SNAI1: variants seen among roughly 807,000 people sequenced by gnomAD.
SNAI1 encodes the protein snail family transcriptional repressor 1.
Under a neutral mutation model 24.7 loss-of-function variants are expected in SNAI1, and 15 were observed. The ratio of observed to expected loss-of-function variants is 0.61; its 90% CI spans 0.41 to 0.93. SNAI1 has a LOEUF of 0.93. SNAI1 is among the 40% of genes least tolerant of loss of function. SNAI1 has a pLI of 0.00. For synonymous variants in SNAI1, 163 were observed against 142.9 expected (o/e 1.14, Z -1.00); for missense variants, 283 against 336.7 (o/e 0.84, Z 1.25).
rs747604296 is a variant in SNAI1, at chr20:49,987,838, G to A, written c.611-34G>A. 5.0e-6 allele frequency: 8 copies of A among 1,604,464 alleles called. No homozygotes were observed. The Admixed American group carries it at 1.0e-4, about 20-fold the overall frequency. On this transcript the variant is annotated intron_variant, in intron 2 of 2. Transcript: ENST00000244050. ...CCATCACTGCCAGCCGTTGTCCCACGGCTCACTCGGCCTTTCTGGCGTTCT... is the reference window on the plus strand; with the variant it reads ...CCATCACTGCCAGCCGTTGTCCCACAGCTCACTCGGCCTTTCTGGCGTTCT...
intron 2 of SNAI1, among the ~76,000 whole-genome samples, chr20:49,985,584 A>G (rs2078331402): frequency 6.6e-6 from 1 of 152,086 alleles, no homozygotes; most frequent in African/African-American, 2.4e-5. Context: ...CCATCTGGAC[A>G]TTATTTTAAT....
At chr20:49,985,122 G>A (rs1600887657) in intron 2 of SNAI1, among the ~76,000 whole-genome samples, 1 of 152,186 alleles carries the variant, frequency 6.6e-6, no homozygotes, top group South Asian at 2.1e-4. Context: ...ACCAGGAAAC[G>A]GCATCTTTGG....
chr20:49,986,633 A>AT (rs1240507731), intron 2 of SNAI1, among the ~76,000 whole-genome samples: 2 of 150,300 alleles, frequency 1.3e-5, no homozygotes, highest in East Asian at 3.8e-4. Flanking sequence ...AGCTCAGTAG[A>AT]TTAAAAAAAA....
chr20:49,983,749 G>A (rs1210117236), intron 1 of SNAI1, 75 bp from the exon 2 acceptor site: 38 of 1,421,304 alleles, frequency 2.7e-5, no homozygotes, highest in Non-Finnish European at 3.5e-5. Flanking sequence ...CCCAGCCCCT[G>A]GCCAGCGGTG....
In SNAI1 at chr20:49,987,894, C is replaced by G. The variant is rs111475890; in HGVS notation, c.633C>G (p.Pro211=). The G allele has an allele frequency of 9.3e-6, 15 of 1,614,138 alleles. No individual in the cohort carries two copies. The African/African-American group carries it at 1.1e-4, about 11-fold the overall frequency. ...THTGEKPFSC[P]HCSRAFADRS... The stretch of plus-strand genomic sequence containing the variant: ...CAGGCGAGAAGCCCTTCTCCTGTCC[C>G]CACTGCAGCCGTGCCTTCGCTGACC... The change falls in exon 3 of 3, where the codon CCC becomes CCG. Residue 211 remains proline, a synonymous_variant. Coordinates refer to ENST00000244050, the MANE Select transcript of SNAI1 (RefSeq NM_005985.4).
intron 2 of SNAI1, among the ~76,000 whole-genome samples, chr20:49,985,790 G>A (rs923064228): frequency 2.0e-5 from 3 of 152,234 alleles, no homozygotes; most frequent in South Asian, 2.1e-4. Flanking sequence ...CCTTTAATCC[G>A]GGGATATCGC....
chr20:49,982,991 G>C lies in SNAI1; in HGVS notation c.-69G>C, dbSNP rs2078321057. On this transcript the variant is annotated 5_prime_UTR_variant, in exon 1 of 3. Coordinates refer to ENST00000244050, the MANE Select transcript of SNAI1 (RefSeq NM_005985.4). ...GCGCTGCTGCATTCATTGCGCCGCG[G>C]CACGGCCTAGCGAGTGGTTCTTCTG... The C allele has an allele frequency of 7.3e-6, 7 of 958,994 alleles. No individual in the cohort carries two copies. Among genetic ancestry groups the C allele is most frequent in the Non-Finnish European group, 1.1e-5 (7 of 636,354 alleles). 59.4% of individuals were successfully genotyped at this position (958,994 alleles called of 1,614,324 possible).
intron 2 of SNAI1, among the ~76,000 whole-genome samples, chr20:49,984,900 C>CTTA (rs1237616693): frequency 3.9e-5 from 6 of 152,234 alleles, no homozygotes; most frequent in African/African-American, 1.4e-4. Context: ...ACCTGCTAAA[C>CTTA]TCTCACAAAA....
At chr20:49,985,011 AGAGAGTGGCT>A (rs2078329649) in intron 2 of SNAI1, among the ~76,000 whole-genome samples, 1 of 86,870 alleles carries the variant, frequency 1.2e-5, no homozygotes, top group Admixed American at 1.1e-4. Context: ...CATATGTTTT[AGAGAGTGGCT>A]GTAAAGGTGG....
In SNAI1 at chr20:49,983,994, G is replaced by T. The variant is rs1324595808; in HGVS notation, c.253G>T (p.Val85Leu). The T allele has an allele frequency of 6.2e-7, 1 of 1,613,534 alleles. No individual in the cohort carries two copies. Among genetic ancestry groups the T allele is most frequent in the African/African-American group, 1.3e-5 (1 of 74,998 alleles). The change falls in exon 2 of 3, where the codon GTG (valine) becomes TTG (leucine). Residue 85 changes from valine to leucine, a missense_variant. By Grantham distance (32) the Val-to-Leu change is conservative. Transcript: ENST00000244050. Reference sequence around the variant, plus strand: ...CCTTCGGCTCCAGGAGAGTCCCAGGGTGGCAGAGCTGACCTCCCTGTCAGA... The same window carrying T: ...CCTTCGGCTCCAGGAGAGTCCCAGGTTGGCAGAGCTGACCTCCCTGTCAGA... ...ASLRLQESPR[V>L]AELTSLSDED...
Position 49,988,655 on chromosome 20 carries a change from T to TGAGTAATGG in SNAI1, c.*600_*608dup, listed in dbSNP as rs1330206976. 1 of 152,700 alleles carries TGAGTAATGG rather than the reference T, an allele frequency of 6.5e-6. No homozygotes were observed. Among genetic ancestry groups the TGAGTAATGG allele is most frequent in the Non-Finnish European group, 1.5e-5 (1 of 68,160 alleles). The allele number at this position is 152,700 out of a possible 1,614,324, so 9.5% of individuals were successfully genotyped here. A position where few individuals can be genotyped will look rare whatever the true frequency, so the allele number is the denominator to read the frequency against. ...TTTAACAATGTCTGAAAAGGGACTG[T>TGAGTAATGG]GAGTAATGGCTGTCACTTGTCGGGG... On this transcript the variant is annotated 3_prime_UTR_variant, in exon 3 of 3. Transcript: ENST00000244050.
chr20:49,984,074 G>C lies in SNAI1; in HGVS notation c.333G>C (p.Ser111=), dbSNP rs140920547. The C allele has an allele frequency of 1.2e-6, 2 of 1,614,150 alleles. No homozygotes were observed. Among genetic ancestry groups the C allele is most frequent in the Admixed American group, 1.7e-5 (1 of 60,028 alleles). The change falls in exon 2 of 3, where the codon TCG becomes TCC. Residue 111 remains serine, a synonymous_variant. Coordinates refer to ENST00000244050, the MANE Select transcript of SNAI1 (RefSeq NM_005985.4). ...QPPSPPSPAP[S]SFSSTSVSSL... is the part of the protein sequence containing the mutation. ...CCAGCCCACCCTCACCGGCTCCTTC[G>C]TCCTTCTCCTCTACTTCAGTCTCTT... is the stretch of plus-strand genomic sequence containing the variant.
rs528419106 is a variant in SNAI1 at position 49,983,011 on chromosome 20, C to G, written c.-49C>G. Reference sequence around the variant, plus strand: ...CCGCGGCACGGCCTAGCGAGTGGTTCTTCTGCGCTACTGCTGCGCGAATCG... The same window carrying G: ...CCGCGGCACGGCCTAGCGAGTGGTTGTTCTGCGCTACTGCTGCGCGAATCG... On this transcript the variant is annotated 5_prime_UTR_variant, in exon 1 of 3. Coordinates refer to ENST00000244050, the MANE Select transcript of SNAI1 (RefSeq NM_005985.4). The G allele has an allele frequency of 6.0e-6, 8 of 1,340,528 alleles. No homozygotes were observed. Among genetic ancestry groups the G allele is most frequent in the African/African-American group, 4.4e-5 (3 of 68,506 alleles). 83.0% of individuals were successfully genotyped at this position (1,340,528 alleles called of 1,614,324 possible).
Position 49,984,169 on chromosome 20 carries a change from C to G in SNAI1, c.428C>G (p.Ser143Cys), listed in dbSNP as rs1222675553. Residue 143 changes from serine to cysteine, a missense_variant, in exon 2 of 3, where the codon TCT becomes TGT. Coordinates refer to ENST00000244050, the MANE Select transcript of SNAI1 (RefSeq NM_005985.4). ...GTGCCCAAGCAGCTGGCCCAGCTCT[C>G]TGAGGCCAAGGATCTCCAGGCTCGA... ...GQVPKQLAQL[S>C]EAKDLQARKA... 4.3e-6 allele frequency: 7 copies of G among 1,614,246 alleles called. No homozygotes were observed. The highest frequency in any genetic ancestry group is 5.9e-6 in the Non-Finnish European group (7 of 1,180,048).
intron 2 of SNAI1, among the ~76,000 whole-genome samples, chr20:49,987,072 G>A (rs1173344083): frequency 6.6e-6 from 1 of 152,226 alleles, no homozygotes; most frequent in African/African-American, 2.4e-5. Context: ...ACAGGTTTCC[G>A]TAGCCTCTTG....
chr20:49,983,869 C>A lies in SNAI1; in HGVS notation c.128C>A (p.Ala43Asp), dbSNP rs749440261. 1 of 1,610,580 alleles carries A rather than the reference C, an allele frequency of 6.2e-7. No individual in the cohort carries two copies. Among genetic ancestry groups the A allele is most frequent in the Non-Finnish European group, 8.5e-7 (1 of 1,178,734 alleles). ...TACGACCAGGCCCACCTGCTGGCAGCCATCCCACCTCCGGAGATCCTCAAC... is the reference window on the plus strand; with the variant it reads ...TACGACCAGGCCCACCTGCTGGCAGACATCCCACCTCCGGAGATCCTCAAC... Reference protein sequence around the residue: ...QPYDQAHLLAAIPPPEILNPT... With the variant: ...QPYDQAHLLADIPPPEILNPT... The change falls in exon 2 of 3, where the codon GCC becomes GAC. Residue 43 changes from alanine (A) to aspartate (D), a missense_variant. Physicochemically the swap from Ala to Asp is moderately radical, Grantham distance 126. Transcript: ENST00000244050.
chr20:49,985,835 G>A (rs1338191694), intron 2 of SNAI1, among the ~76,000 whole-genome samples: 1 of 152,194 alleles, frequency 6.6e-6, no homozygotes, highest in East Asian at 1.9e-4. Context: ...CTTTGTCCCC[G>A]CCGGCCTGGT....
At chr20:49,987,533 G>A (rs1207518590) in intron 2 of SNAI1, among the ~76,000 whole-genome samples, 2 of 152,160 alleles carry the variant, frequency 1.3e-5, no homozygotes, top group Non-Finnish European at 2.9e-5. Flanking sequence ...AAGGTGTTGA[G>A]TCATTGTTGA....
Position 49,984,255 on chromosome 20 carries a change from C to G in SNAI1, c.514C>G (p.His172Asp), listed in dbSNP as rs1409266525. 2 of 1,614,046 alleles carry G rather than the reference C, an allele frequency of 1.2e-6. No homozygotes were observed. Among genetic ancestry groups the G allele is most frequent in the African/African-American group, 1.3e-5 (1 of 74,928 alleles). ...EYLSLGALKM[H>D]IRSHTLPCVC... ...CCTCAGCCTGGGTGCCCTCAAGATG[C>G]ACATCCGAAGCCACACGCTGCCCTG... The change falls in exon 2 of 3, where the codon CAC (histidine) becomes GAC (aspartate). Residue 172 changes from histidine to aspartate, a missense_variant. Physicochemically the swap from His to Asp is moderately conservative, Grantham distance 81. Coordinates refer to ENST00000244050, the MANE Select transcript of SNAI1 (RefSeq NM_005985.4).
Sources: allele counts gnomAD v4.1 joint callset (sites outside exome capture counted in the v4.1 genomes callset), GRCh38; gene constraint gnomAD v4.1.1; transcripts MANE v1.5; gene names NCBI Gene and HGNC (gene_info 2026-07-23, HGNC 2026-07-21).